The following AP1M1 variants were observed in gnomAD, a reference collection of about 807,000 sequenced individuals.
AP1M1 encodes AP-1 complex subunit mu-1.
In AP1M1, 18 loss-of-function variants were observed where a neutral mutation model predicts 57.1. The ratio of observed to expected loss-of-function variants is 0.32; its 90% CI spans 0.22 to 0.47. AP1M1 has a LOEUF of 0.47. Ranked by LOEUF, AP1M1 falls within the 20% of genes least tolerant of loss-of-function variation. The pLI, the probability that AP1M1 is intolerant of heterozygous loss-of-function variation, is 1.00. For missense variants in AP1M1, 362 were observed against 593.5 expected (o/e 0.61, Z 4.05); for synonymous variants, 241 against 237.9 (o/e 1.01, Z -0.12).
At chr19:16,208,330 C>T in intron 4 of AP1M1, 181 bp downstream of exon 4, 1 of 575,888 alleles carries the variant, frequency 1.7e-6, no homozygotes, top group Non-Finnish European at 2.9e-6. Context: ...GTTTCCTCCT[C>T]TACGCCCCCA....
rs910309505 is a variant in AP1M1 at position 16,201,395 on chromosome 19, T to C, written c.43-2064T>C. On this transcript the variant is annotated intron_variant, in intron 1 of 11. Coordinates refer to ENST00000291439, the MANE Select transcript of AP1M1 (RefSeq NM_032493.4). ...AGCAAGCAGGGAGGATTTCTTTTTT[T>C]TTTTTTTTTTTTTTTTTTTTTGAGA... 3.7e-5 allele frequency among the ~76,000 whole-genome samples: 5 copies of C among 133,654 alleles called. No homozygotes were observed. The South Asian group carries it at 7.8e-4, about 21-fold the overall frequency. The allele number at this position is 133,654 out of a possible 152,430, so 87.7% of individuals were successfully genotyped here.
At chr19:16,219,384 ATTTTTGTT>A (rs1382817006) in intron 5 of AP1M1, among the ~76,000 whole-genome samples, 1 of 80,524 alleles carries the variant, frequency 1.2e-5, no homozygotes, top group Non-Finnish European at 3.7e-5. Context: ...CGTGAAATTC[ATTTTTGTT>A]TTTTTGTTTT....
intron 9 of AP1M1, among the ~76,000 whole-genome samples, chr19:16,232,732 C>G (rs912842096): frequency 2.0e-5 from 3 of 152,254 alleles, no homozygotes; most frequent in Admixed American, 6.5e-5. Flanking sequence ...GTAGCTCCCA[C>G]GGAACCTCGG....
rs1336696830 is a variant in AP1M1 at position 16,230,403 on chromosome 19, C to CT, written c.1047+1475_1047+1476insT. 4.1e-3 allele frequency among the ~76,000 whole-genome samples: 231 copies of CT among 56,762 alleles called. 1 individual carries two copies. Among genetic ancestry groups the CT allele is most frequent in the African/African-American group, 0.012 (219 of 18,936 alleles). 37.2% of individuals were successfully genotyped at this position (56,762 alleles called of 152,430 possible). On this transcript the variant is annotated intron_variant, in intron 9 of 11. Transcript: ENST00000291439. ...ACATTCAGACTACAGTATACGGTAA[C>CT]CTTTTTTTTTTTTTTGAGACGGAGT...
At chr19:16,221,434 C>A (rs1441531312) in intron 5 of AP1M1, among the ~76,000 whole-genome samples, 2 of 152,254 alleles carry the variant, frequency 1.3e-5, no homozygotes, top group Admixed American at 6.5e-5. Flanking sequence ...CTTGTCCCTG[C>A]TGCTGTGTCC....
At chr19:16,209,560 A>G (rs545321193) in intron 5 of AP1M1, among the ~76,000 whole-genome samples, 10 of 152,254 alleles carry the variant, frequency 6.6e-5, no homozygotes, top group African/African-American at 2.4e-4. Flanking sequence ...TTATTTTTAA[A>G]AATTAGAAGC....
At chr19:16,204,500 C>T (rs920877728) in intron 2 of AP1M1, among the ~76,000 whole-genome samples, 5 of 152,196 alleles carry the variant, frequency 3.3e-5, no homozygotes, top group Admixed American at 6.5e-5. Flanking sequence ...CAGGACCATT[C>T]GGGTCAGTTG....
intron 6 of AP1M1, 181 bp downstream of exon 6, chr19:16,226,728 G>T: frequency 1.2e-6 from 1 of 800,006 alleles, no homozygotes; most frequent in Middle Eastern, 3.8e-4. Context: ...GACATAGAAG[G>T]TGCAGGGGAG....
Position 16,228,663 on chromosome 19 carries a change from G to C in AP1M1, c.889-107G>C. The stretch of plus-strand genomic sequence containing the variant: ...GCCTGGAGAAGTGGGGCCAGGGGCG[G>C]GGCTAGGGAGGATCCCCCGGGCCAG... On this transcript the variant is annotated intron_variant, in intron 8 of 11. Coordinates refer to ENST00000291439, the MANE Select transcript of AP1M1 (RefSeq NM_032493.4). The surrounding 1 kb of genome is among the most constrained non-coding windows in gnomAD (Gnocchi z 5.0). 1 of 1,304,056 alleles carries C rather than the reference G, an allele frequency of 7.7e-7. No individual in the cohort carries two copies. Among genetic ancestry groups the C allele is most frequent in the South Asian group, 1.3e-5 (1 of 75,856 alleles). The allele number at this position is 1,304,056 out of a possible 1,614,324, so 80.8% of individuals were successfully genotyped here. A position where few individuals can be genotyped will look rare whatever the true frequency, so the allele number is the denominator to read the frequency against.
chr19:16,217,400 G>GCA (rs1243392456), intron 5 of AP1M1, among the ~76,000 whole-genome samples: 1 of 152,118 alleles, frequency 6.6e-6, no homozygotes, highest in East Asian at 1.9e-4. Context: ...GTCCACCCAC[G>GCA]CACACACCAC....
At chr19:16,215,231 GGA>G in intron 5 of AP1M1, among the ~76,000 whole-genome samples, 2 of 69,814 alleles carry the variant, frequency 2.9e-5, no homozygotes, top group Non-Finnish European at 7.4e-5. Context: ...AGGGGGGAGG[GGA>G]GGGGATCACC....
chr19:16,227,413 G>A lies in AP1M1; in HGVS notation c.674-135G>A. On this transcript the variant is annotated intron_variant, in intron 6 of 11. Coordinates refer to ENST00000291439, the MANE Select transcript of AP1M1 (RefSeq NM_032493.4). The surrounding 1 kb of genome is among the most constrained non-coding windows in gnomAD (Gnocchi z 6.2). The stretch of plus-strand genomic sequence containing the variant: ...TGTCTTGGGACCCAGCCCCCTTGGT[G>A]TTTGTGGCCCAGGCTGCTCTCAGTG... 2.0e-6 allele frequency: 2 copies of A among 1,015,550 alleles called. No homozygotes were observed. The highest frequency in any genetic ancestry group is 2.9e-6 in the Non-Finnish European group (2 of 683,038). The allele number at this position is 1,015,550 out of a possible 1,614,324, so 62.9% of individuals were successfully genotyped here.
chr19:16,213,407 C>T (rs1386288887), intron 5 of AP1M1, among the ~76,000 whole-genome samples: 1 of 152,124 alleles, frequency 6.6e-6, no homozygotes, highest in African/African-American at 2.4e-5. Context: ...AAGATTGCAA[C>T]TCTGCTTTTG....
intron 1 of AP1M1, among the ~76,000 whole-genome samples, chr19:16,198,697 G>A (rs2091434933): frequency 6.6e-6 from 1 of 152,148 alleles, no homozygotes; most frequent in Admixed American, 6.5e-5. Context: ...AAGTCTAGGA[G>A]TCCGATCCAG....
Position 16,227,773 on chromosome 19 carries a change from A to G in AP1M1, c.816+83A>G, listed in dbSNP as rs745684039. On this transcript the variant is annotated intron_variant, in intron 7 of 11. Transcript: ENST00000291439. The surrounding 1 kb of genome is among the most constrained non-coding windows in gnomAD (Gnocchi z 6.2). ...AGGAGGTGAAGCCCAGGCAGGCGCCAGGGCCAGCCCCACCCCACGCTCCAT... is the reference window on the plus strand; with the variant it reads ...AGGAGGTGAAGCCCAGGCAGGCGCCGGGGCCAGCCCCACCCCACGCTCCAT... 4.7e-5 allele frequency: 71 copies of G among 1,516,476 alleles called. No homozygotes were observed. Among genetic ancestry groups the G allele is most frequent in the Non-Finnish European group, 6.3e-5 (70 of 1,112,004 alleles). The allele number at this position is 1,516,476 out of a possible 1,614,324, so 93.9% of individuals were successfully genotyped here. A position where few individuals can be genotyped will look rare whatever the true frequency, so the allele number is the denominator to read the frequency against.
At position 16,204,581 on chromosome 19, in the gene AP1M1, G is replaced by A. The variant is rs542699268; in HGVS notation, c.199+966G>A. 5.3e-5 allele frequency among the ~76,000 whole-genome samples: 8 copies of A among 152,322 alleles called. No homozygotes were observed. The South Asian group carries it at 1.7e-3, about 32-fold the overall frequency. ...CTTTCCTGTGTTCTTGGAGACACTTGGGGCCTTGCCAGTACAGTGTGGCCA... is the reference window on the plus strand; with the variant it reads ...CTTTCCTGTGTTCTTGGAGACACTTAGGGCCTTGCCAGTACAGTGTGGCCA... On this transcript the variant is annotated intron_variant, in intron 2 of 11. Transcript: ENST00000291439.
Position 16,236,168 on chromosome 19 carries a change from G to T in AP1M1, c.*1733G>T, listed in dbSNP as rs1451339658. 1 of 152,614 alleles carries T rather than the reference G, an allele frequency of 6.6e-6. No homozygotes were observed. Among genetic ancestry groups the T allele is most frequent in the Non-Finnish European group, 1.5e-5 (1 of 68,384 alleles). The allele number at this position is 152,614 out of a possible 1,614,324, so 9.5% of individuals were successfully genotyped here. A position where few individuals can be genotyped will look rare whatever the true frequency, so the allele number is the denominator to read the frequency against. On this transcript the variant is annotated 3_prime_UTR_variant, in exon 12 of 12. Transcript: ENST00000291439. The stretch of plus-strand genomic sequence containing the variant: ...GCTGACCCCATTTGCCATCCTCGCT[G>T]CCACCCCCGGGGCCTAGCTCCAGTG...
Position 16,240,416 on chromosome 19 carries a change from C to T in AP1M1, c.*5981C>T, listed in dbSNP as rs1752056280. On this transcript the variant is annotated 3_prime_UTR_variant, in exon 12 of 12. Coordinates refer to ENST00000291439, the MANE Select transcript of AP1M1 (RefSeq NM_032493.4). ...CAGCCACATGCAAAGAGATCGTGGC[C>T]AGAATTTTCCAAAATTAATGAAAAT... is the stretch of plus-strand genomic sequence containing the variant. 6.6e-6 allele frequency: 1 copy of T among 151,974 alleles called. No homozygotes were observed. Among genetic ancestry groups the T allele is most frequent in the Non-Finnish European group, 1.5e-5 (1 of 68,006 alleles). The allele number at this position is 151,974 out of a possible 1,614,324, so 9.4% of individuals were successfully genotyped here. A position where few individuals can be genotyped will look rare whatever the true frequency, so the allele number is the denominator to read the frequency against.
chr19:16,215,211 G>GGGGGGGGGGGGGGA (rs2091513662), intron 5 of AP1M1, among the ~76,000 whole-genome samples: 1 of 18,658 alleles, frequency 5.4e-5, no homozygotes, highest in African/African-American at 1.3e-4. Context: ...GGGGGGGGGG[G>GGGGGGGGGGGGGGA]AGAGGGGGGA....
Sources: gnomAD v4.1 joint callset for allele counts (sites outside exome capture counted in the v4.1 genomes callset) on GRCh38, gnomAD v4.1.1 for gene constraint, Gnocchi (gnomAD v3.1) non-coding constraint, MANE v1.5 for transcripts, NCBI Gene and HGNC (gene_info 2026-07-23, HGNC 2026-07-21) for gene names.